Variants in ADARB2 observed in about 807,000 individuals in gnomAD.
The protein encoded by ADARB2 is inactive double-stranded RNA-specific editase B2.
Under a neutral mutation model 62.2 loss-of-function variants are expected in ADARB2, and 25 were observed. The ratio of observed to expected loss-of-function variants is 0.40; its 90% CI spans 0.29 to 0.56. ADARB2 has a LOEUF of 0.56. ADARB2 is among the 20% of genes least tolerant of loss of function. The probability of loss-of-function intolerance (pLI) is 0.43; values close to 1 mark genes in which losing one functional copy is unlikely to be tolerated. For missense variants in ADARB2, 1,071 were observed against 1,077.4 expected (o/e 0.99, Z 0.08); for synonymous variants, 572 against 500.8 (o/e 1.14, Z -1.90).
Position 1,226,561 on chromosome 10 carries a change from A to G in ADARB2, c.1513+7133T>C, listed in dbSNP as rs534172385. 6.6e-5 allele frequency among the ~76,000 whole-genome samples: 10 copies of G among 152,072 alleles called. No homozygotes were observed. In the South Asian group the frequency reaches 1.0e-3, roughly 16 times the overall value. On this transcript the variant is annotated intron_variant, in intron 6 of 9. Coordinates refer to ENST00000381312, the MANE Select transcript of ADARB2 (RefSeq NM_018702.4). Reference sequence around the variant, plus strand: ...TACTTTTATCTACCTTTGGTCTTTGATGATGGTGATGTACAGATGGGTTTT... The same window carrying G: ...TACTTTTATCTACCTTTGGTCTTTGGTGATGGTGATGTACAGATGGGTTTT...
chr10:1,712,256 G>T (rs1834956871), intron 1 of ADARB2, among the ~76,000 whole-genome samples: 1 of 152,048 alleles, frequency 6.6e-6, no homozygotes, highest in Admixed American at 6.6e-5. Context: ...CACAGTAATT[G>T]CTCAAAACAC....
chr10:1,631,975 G>A (rs1338600628), intron 1 of ADARB2, among the ~76,000 whole-genome samples: 1 of 152,130 alleles, frequency 6.6e-6, no homozygotes, highest in African/African-American at 2.4e-5. Context: ...GCCATGCACT[G>A]CCTTAGGAGA....
chr10:1,716,405 T>C (rs143642791), intron 1 of ADARB2, among the ~76,000 whole-genome samples: 282 of 152,376 alleles, frequency 1.9e-3, no homozygotes, highest in African/African-American at 6.5e-3. Flanking sequence ...AAATTGTAGA[T>C]TACTTGGTAG....
rs569622588 is a variant in ADARB2 at position 1,684,855 on chromosome 10, G to T, written c.100+52196C>A. 2.0e-5 allele frequency among the ~76,000 whole-genome samples: 3 copies of T among 152,324 alleles called. No individual in the cohort carries two copies. In the South Asian group the frequency reaches 6.2e-4, roughly 32 times the overall value. On this transcript the variant is annotated intron_variant, in intron 1 of 9. Transcript: ENST00000381312. ...AGGAATGCGTGAGTTCTGAGTGTGG[G>T]TTCTTATCCTTGTCTGTGCTCACAG... is the stretch of plus-strand genomic sequence containing the variant.
At chr10:1,241,337 C>A (rs1830920508) in intron 5 of ADARB2, among the ~76,000 whole-genome samples, 2 of 152,234 alleles carry the variant, frequency 1.3e-5, no homozygotes, top group Admixed American at 6.5e-5. Flanking sequence ...GGCCTTTCTC[C>A]TTTTGTGTGG....
At chr10:1,625,818 T>C (rs1427439315) in intron 1 of ADARB2, among the ~76,000 whole-genome samples, 3 of 152,142 alleles carry the variant, frequency 2.0e-5, no homozygotes, top group African/African-American at 2.4e-5. Flanking sequence ...GGCCTTCCCA[T>C]GTCCTCATCA....
At chr10:1,580,908 C>T (rs1327946150) in intron 1 of ADARB2, among the ~76,000 whole-genome samples, 6 of 152,232 alleles carry the variant, frequency 3.9e-5, no homozygotes, top group East Asian at 1.9e-4. Context: ...ATGGCTTGAT[C>T]GCTCATTTCT....
intron 1 of ADARB2, among the ~76,000 whole-genome samples, chr10:1,576,849 G>GGCCCCAT (rs11280627): frequency 0.36 from 54,262 of 151,734 alleles, 10,368 homozygotes; most frequent in African/African-American, 0.5. Context: ...GTGCGATTCA[G>GGCCCCAT]TCTGCTGTGT....
rs1276233604 is a variant in ADARB2, at chr10:1,704,480, G to A, written c.100+32571C>T. Among the ~76,000 whole-genome samples, 4 of 152,140 alleles carry A rather than the reference G, an allele frequency of 2.6e-5. No homozygotes were observed. The highest frequency in any genetic ancestry group is 2.1e-4 in the South Asian group (1 of 4,820). ...ATCCCCACTCCTATAGGAATCTAAT[G>A]CCACTGTGACCTGACAGAAGGCAGA... On this transcript the variant is annotated intron_variant, in intron 1 of 9. Transcript: ENST00000381312. This position sits in a 1 kb window ranked among gnomAD's most constrained non-coding sequence, Gnocchi z 5.6.
At chr10:1,345,389 C>G (rs1832071750) in intron 3 of ADARB2, among the ~76,000 whole-genome samples, 1 of 152,186 alleles carries the variant, frequency 6.6e-6, no homozygotes, top group Non-Finnish European at 1.5e-5. Flanking sequence ...TGGCAAGAGG[C>G]AGAGCCAGGC....
At chr10:1,706,085 T>C (rs1412960168) in intron 1 of ADARB2, among the ~76,000 whole-genome samples, 1 of 152,220 alleles carries the variant, frequency 6.6e-6, no homozygotes, top group Non-Finnish European at 1.5e-5. Context: ...ATGACGGTAA[T>C]GTGAGCAGCA....
At chr10:1,293,159 GT>G (rs1831488068) in intron 3 of ADARB2, among the ~76,000 whole-genome samples, 6 of 73,150 alleles carry the variant, frequency 8.2e-5, no homozygotes, top group African/African-American at 2.4e-4. Flanking sequence ...GAGAGGGAGG[GT>G]AAGAAGGGGG....
At chr10:1,591,823 T>C (rs1320405935) in intron 1 of ADARB2, among the ~76,000 whole-genome samples, 2 of 152,370 alleles carry the variant, frequency 1.3e-5, no homozygotes, top group African/African-American at 2.4e-5. Flanking sequence ...CAATTTCATC[T>C]ATTATTCAGC....
chr10:1,725,047 T>C (rs1418454453), intron 1 of ADARB2, among the ~76,000 whole-genome samples: 1 of 152,112 alleles, frequency 6.6e-6, no homozygotes, highest in Non-Finnish European at 1.5e-5. Flanking sequence ...AAACGGACAA[T>C]CAGTTAAACA....
At chr10:1,419,243 G>A (rs1450830531) in intron 1 of ADARB2, among the ~76,000 whole-genome samples, 5 of 152,032 alleles carry the variant, frequency 3.3e-5, no homozygotes, top group East Asian at 3.9e-4. Flanking sequence ...ACAGGCACCC[G>A]CCACCACGCC....
chr10:1,730,178 C>T (rs905613638), intron 1 of ADARB2, among the ~76,000 whole-genome samples: 3 of 152,158 alleles, frequency 2.0e-5, no homozygotes, highest in African/African-American at 4.8e-5. Flanking sequence ...ACAACAGCCA[C>T]AGAGAGAAAC....
chr10:1,608,501 G>T (rs1448855224), intron 1 of ADARB2, among the ~76,000 whole-genome samples: 1 of 151,108 alleles, frequency 6.6e-6, no homozygotes, highest in South Asian at 2.1e-4. Flanking sequence ...AAGGGGAAAA[G>T]AAGGGAGAAA....
intron 1 of ADARB2, among the ~76,000 whole-genome samples, chr10:1,390,540 G>A (rs550516229): frequency 6.6e-6 from 1 of 152,266 alleles, no homozygotes; most frequent in South Asian, 2.1e-4. Flanking sequence ...AAGAATTGTT[G>A]AATCTATAAA....
chr10:1,364,089 G>A (rs1832290931), intron 2 of ADARB2, among the ~76,000 whole-genome samples, 172 bp from the exon 3 acceptor site: 1 of 152,232 alleles, frequency 6.6e-6, no homozygotes, highest in Non-Finnish European at 1.5e-5. Flanking sequence ...GGAGCCTATG[G>A]CCCATGCGGG....
Sources: allele counts gnomAD v4.1 joint callset (sites outside exome capture counted in the v4.1 genomes callset), GRCh38; gene constraint gnomAD v4.1.1; non-coding constraint Gnocchi (gnomAD v3.1); transcripts MANE v1.5; gene names NCBI Gene and HGNC (gene_info 2026-07-23, HGNC 2026-07-21).